Variants in SLC4A7 observed in about 807,000 individuals in gnomAD.
SLC4A7 encodes the protein sodium bicarbonate cotransporter 3.
A neutral mutation model predicts 137.6 loss-of-function variants in SLC4A7; 51 were observed. That is an observed-to-expected ratio of 0.37 (90% confidence interval 0.30 to 0.47). SLC4A7 has a LOEUF of 0.47. SLC4A7 is among the 20% of genes least tolerant of loss of function. The pLI, the probability that SLC4A7 is intolerant of heterozygous loss-of-function variation, is 1.00. For missense variants in SLC4A7, 1,247 were observed against 1,525.4 expected, an observed-to-expected ratio of 0.82 and a Z score of 3.04; for synonymous variants, 542 against 518.6, an observed-to-expected ratio of 1.05 and a Z score of -0.61.
chr3:27,391,592 T>G, intron 21 of SLC4A7, 148 bp downstream of exon 21: 1 of 594,946 alleles, frequency 1.7e-6, no homozygotes, highest in Non-Finnish European at 3.0e-6. Context: ...AACAATCACT[T>G]GGCAAATGTC....
intron 3 of SLC4A7, among the ~76,000 whole-genome samples, chr3:27,438,070 G>C (rs188163511): frequency 6.8e-6 from 1 of 147,002 alleles, no homozygotes; most frequent in African/African-American, 2.5e-5. Context: ...GGTGGTGGAC[G>C]CCTGTAATCC....
chr3:27,407,307 C>G (rs984998961), intron 13 of SLC4A7, among the ~76,000 whole-genome samples: 2 of 151,738 alleles, frequency 1.3e-5, no homozygotes, highest in Non-Finnish European at 2.9e-5. Context: ...TGATGAAACC[C>G]TGTCTCTACT....
chr3:27,417,838 T>C (rs2054542401), intron 11 of SLC4A7, among the ~76,000 whole-genome samples: 1 of 152,196 alleles, frequency 6.6e-6, no homozygotes, highest in African/African-American at 2.4e-5. Flanking sequence ...TCCAAAAGTC[T>C]GGCAACACAC....
At chr3:27,434,723 T>C (rs1422183600) in intron 5 of SLC4A7, among the ~76,000 whole-genome samples, 1 of 152,088 alleles carries the variant, frequency 6.6e-6, no homozygotes, top group Non-Finnish European at 1.5e-5. Flanking sequence ...ATTTTATACA[T>C]TACTGAGGTG....
rs183573090 is a variant in SLC4A7, at chr3:27,481,154, A to G, written c.60+2913T>C. On this transcript the variant is annotated intron_variant, in intron 1 of 25. Transcript: ENST00000454389. ...TAAAAGGATTTAACCTATACTGGAA[A>G]ATAAGACTGACAACAACAACAAAAA... Among the ~76,000 whole-genome samples the G allele has an allele frequency of 3.4e-3, 514 of 152,302 alleles. 3 individuals carry two copies. Among genetic ancestry groups the G allele is most frequent in the Admixed American group, 5.4e-3 (82 of 15,286 alleles).
chr3:27,410,141 T>TA (rs1407485154), intron 12 of SLC4A7, among the ~76,000 whole-genome samples: 1 of 152,182 alleles, frequency 6.6e-6, no homozygotes, highest in African/African-American at 2.4e-5. Flanking sequence ...TTAATAAAAC[T>TA]AACAGGTTTC....
chr3:27,375,879 A>G lies in SLC4A7; in HGVS notation c.*885T>C, dbSNP rs551414014. The G allele has an allele frequency of 3.3e-5, 5 of 152,180 alleles. No homozygotes were observed. The South Asian group carries it at 1.0e-3, about 32-fold the overall frequency. 9.4% of individuals were successfully genotyped at this position (152,180 alleles called of 1,614,324 possible). On this transcript the variant is annotated 3_prime_UTR_variant, in exon 26 of 26. Coordinates refer to ENST00000454389, the MANE Select transcript of SLC4A7 (RefSeq NM_001321103.2). Reference sequence around the variant, plus strand: ...TGATTATTTACGCCTACTACTTATAAGAGAATAATAGTCAAGAACTTGAAC... The same window carrying G: ...TGATTATTTACGCCTACTACTTATAGGAGAATAATAGTCAAGAACTTGAAC...
At chr3:27,443,110 C>A (rs1031724352) in intron 3 of SLC4A7, among the ~76,000 whole-genome samples, 9 of 143,216 alleles carry the variant, frequency 6.3e-5, no homozygotes, top group Non-Finnish European at 7.5e-5. Flanking sequence ...CAGCTCACTG[C>A]AACCTCTGCC....
chr3:27,381,962 G>A (rs564604729), intron 24 of SLC4A7, among the ~76,000 whole-genome samples: 4 of 151,988 alleles, frequency 2.6e-5, no homozygotes, highest in Non-Finnish European at 5.9e-5. Context: ...GGTGGCAGGC[G>A]CCTGTAATCC....
chr3:27,480,758 G>T (rs1329423365), intron 1 of SLC4A7, among the ~76,000 whole-genome samples: 1 of 152,090 alleles, frequency 6.6e-6, no homozygotes, highest in African/African-American at 2.4e-5. Flanking sequence ...ATTCATACTG[G>T]GTTGTCCGGG....
intron 10 of SLC4A7, among the ~76,000 whole-genome samples, chr3:27,420,153 G>A (rs553652453): frequency 1.3e-5 from 2 of 150,000 alleles, no homozygotes; most frequent in Admixed American, 6.7e-5. Context: ...AACAGAGTGA[G>A]ACTCTGTCTC....
intron 8 of SLC4A7, chr3:27,423,824 T>C (rs188345423): frequency 2.2e-6 from 1 of 453,958 alleles, no homozygotes; most frequent in East Asian, 3.7e-5. Context: ...ACACTAGTAA[T>C]GGTGTAAAGT....
intron 3 of SLC4A7, among the ~76,000 whole-genome samples, chr3:27,438,529 AAAT>A (rs1280767916): frequency 5.9e-5 from 9 of 151,416 alleles, no homozygotes; most frequent in African/African-American, 1.7e-4. Context: ...AAATAACACA[AAAT>A]AAAATAAAAT....
chr3:27,387,758 C>T lies in SLC4A7; in HGVS notation c.3361-1735G>A, dbSNP rs767375713. ...AGAACACCATGTGACAACAAAGGCT[C>T]CAACTTCAGTTACCCAGCTGCAAGC... is the stretch of plus-strand genomic sequence containing the variant. On this transcript the variant is annotated intron_variant, in intron 22 of 25. Transcript: ENST00000454389. Among the ~76,000 whole-genome samples, 28 of 152,218 alleles carry T rather than the reference C, an allele frequency of 1.8e-4. No homozygotes were observed. In the Middle Eastern group the frequency reaches 0.01, roughly 55 times the overall value.
chr3:27,440,397 C>T (rs921194606), intron 3 of SLC4A7, among the ~76,000 whole-genome samples: 2 of 152,050 alleles, frequency 1.3e-5, no homozygotes, highest in African/African-American at 2.4e-5. Flanking sequence ...TTATATCAGG[C>T]CAACCTGCAT....
In SLC4A7 at chr3:27,424,082, A is replaced by G. The variant is rs1559728650; in HGVS notation, c.1221T>C (p.Asn407=). 1.2e-6 allele frequency: 2 copies of G among 1,612,004 alleles called. No homozygotes were observed. The highest frequency in any genetic ancestry group is 1.7e-6 in the Non-Finnish European group (2 of 1,178,674). Residue 407 remains asparagine, a synonymous_variant, in exon 8 of 26, where the codon AAT becomes AAC. Coordinates refer to ENST00000454389, the MANE Select transcript of SLC4A7 (RefSeq NM_001321103.2). ...DNSKSGEIKG[N]GSGGSRENST... Reference sequence around the variant, plus strand: ...TATTTTCTCTGCTTCCACCACTTCCATTACCTTTAATTTCTCCACTTTTAC... The same window carrying G: ...TATTTTCTCTGCTTCCACCACTTCCGTTACCTTTAATTTCTCCACTTTTAC...
At chr3:27,456,111 C>T (rs1039278093) in intron 1 of SLC4A7, among the ~76,000 whole-genome samples, 2 of 151,884 alleles carry the variant, frequency 1.3e-5, no homozygotes, top group South Asian at 4.1e-4. Context: ...ATGCCAAAAG[C>T]AAAGTATTAG....
intron 1 of SLC4A7, among the ~76,000 whole-genome samples, chr3:27,472,524 C>A (rs7640957): frequency 0.19 from 27,601 of 143,542 alleles, 2,919 homozygotes; most frequent in Non-Finnish European, 0.25. Context: ...AATAAAATAA[C>A]TAAATTGAAT....
intron 5 of SLC4A7, among the ~76,000 whole-genome samples, chr3:27,435,174 T>C (rs1392613664): frequency 6.6e-6 from 1 of 152,172 alleles, no homozygotes; most frequent in Non-Finnish European, 1.5e-5. Context: ...ATACTACAGA[T>C]TTTTTGTTTT....
Sources: allele counts gnomAD v4.1 joint callset (sites outside exome capture counted in the v4.1 genomes callset), GRCh38; gene constraint gnomAD v4.1.1; transcripts MANE v1.5; gene names NCBI Gene and HGNC (gene_info 2026-07-23, HGNC 2026-07-21).